The following NLGN1 variants were observed in gnomAD, a reference collection of about 807,000 sequenced individuals.
The protein encoded by NLGN1 is neuroligin-1.
NLGN1 carries 12 observed loss-of-function variants against 65.5 expected under a neutral mutation model. The observed-to-expected ratio is 0.18, with a 90% CI of 0.12 to 0.30. The LOEUF is 0.30. NLGN1 is among the 10% of genes least tolerant of loss of function. The probability of loss-of-function intolerance (pLI) is 1.00; values close to 1 mark genes in which losing one functional copy is unlikely to be tolerated. For missense variants in NLGN1, 750 were observed against 1,007.1 expected (o/e 0.74, Z 3.46); for synonymous variants, 350 against 359.5 (o/e 0.97, Z 0.30).
intron 4 of NLGN1, among the ~76,000 whole-genome samples, chr3:174,195,855 C>G (rs538561946): frequency 1.3e-5 from 2 of 152,048 alleles, no homozygotes; most frequent in Non-Finnish European, 2.9e-5. Context: ...AATTTACTAA[C>G]ATAGATTGGG....
intron 2 of NLGN1, among the ~76,000 whole-genome samples, chr3:173,441,885 TA>T (rs1455423076): frequency 6.6e-6 from 1 of 152,204 alleles, no homozygotes. Context: ...GGTATGCCTG[TA>T]TTTGAAGTAT....
chr3:173,690,336 T>C (rs1023383716), intron 3 of NLGN1, among the ~76,000 whole-genome samples: 1 of 152,160 alleles, frequency 6.6e-6, no homozygotes, highest in Non-Finnish European at 1.5e-5. Flanking sequence ...AGGATGCCAT[T>C]TACTCTCACT....
chr3:173,942,162 G>A (rs1229986495), intron 4 of NLGN1, among the ~76,000 whole-genome samples: 1 of 150,080 alleles, frequency 6.7e-6, no homozygotes, highest in Admixed American at 6.7e-5. Flanking sequence ...GTGTGTATGT[G>A]TATATATAAT....
intron 2 of NLGN1, among the ~76,000 whole-genome samples, chr3:173,552,227 G>A (rs1417585110): frequency 1.3e-5 from 2 of 152,178 alleles, no homozygotes; most frequent in African/African-American, 4.8e-5. Context: ...GCTGACCACT[G>A]GGGAGGAGAG....
intron 4 of NLGN1, among the ~76,000 whole-genome samples, chr3:173,921,839 T>C (rs1028937706): frequency 4.6e-5 from 7 of 152,156 alleles, no homozygotes; most frequent in South Asian, 2.1e-4. Context: ...TTGTAGTAGT[T>C]GGGGCTATTT....
At chr3:173,481,948 A>G (rs1244943346) in intron 2 of NLGN1, among the ~76,000 whole-genome samples, 1 of 151,910 alleles carries the variant, frequency 6.6e-6, no homozygotes, top group African/African-American at 2.4e-5. Context: ...AAAATGACAC[A>G]TTTTATGTTT....
At chr3:174,046,628 T>A (rs1285380790) in intron 4 of NLGN1, among the ~76,000 whole-genome samples, 1 of 152,136 alleles carries the variant, frequency 6.6e-6, no homozygotes, top group Non-Finnish European at 1.5e-5. Context: ...TCATGCAAGT[T>A]TGTGACTGTT....
intron 4 of NLGN1, among the ~76,000 whole-genome samples, chr3:173,996,771 T>C (rs553283072): frequency 1.3e-5 from 2 of 152,272 alleles, no homozygotes; most frequent in African/African-American, 4.8e-5. Flanking sequence ...CAAGGGGAAA[T>C]TATAAAGAAG....
chr3:173,515,360 G>A (rs1260281569), intron 2 of NLGN1, among the ~76,000 whole-genome samples: 2 of 151,902 alleles, frequency 1.3e-5, no homozygotes, highest in Non-Finnish European at 2.9e-5. Context: ...TTTTATTATT[G>A]AGTCCCTTAT....
chr3:173,419,696 C>T (rs916160916), intron 1 of NLGN1, among the ~76,000 whole-genome samples: 8 of 151,936 alleles, frequency 5.3e-5, no homozygotes, highest in African/African-American at 2.4e-5. Context: ...CCTGGTTGGG[C>T]GTGGTGGCTC....
At position 173,849,153 on chromosome 3, in the gene NLGN1, A is replaced by G. The variant is rs938880551; in HGVS notation, c.646+41321A>G. ...CTACCATATAATGAAAAAAGAAAAA[A>G]ATTCTTTTGCGTAGGGGGTAGTGTT... On this transcript the variant is annotated intron_variant, in intron 4 of 6. Coordinates refer to ENST00000457714, the Ensembl canonical transcript of NLGN1. Among the ~76,000 whole-genome samples, 129 of 152,260 alleles carry G rather than the reference A, an allele frequency of 8.5e-4. 1 individual carries two copies. Among genetic ancestry groups the G allele is most frequent in the African/African-American group, 3.0e-3 (124 of 41,572 alleles).
intron 3 of NLGN1, among the ~76,000 whole-genome samples, chr3:173,672,241 A>G (rs1305298692): frequency 2.0e-5 from 3 of 152,220 alleles, no homozygotes. Context: ...GTGAAGCTAT[A>G]CTTCTCTTCA....
intron 3 of NLGN1, among the ~76,000 whole-genome samples, chr3:173,653,459 A>G (rs997739740): frequency 3.9e-5 from 6 of 152,132 alleles, no homozygotes; most frequent in African/African-American, 1.4e-4. Flanking sequence ...GGAATGCTGA[A>G]TTCTATTAAA....
chr3:173,681,639 C>T (rs1428631998), intron 3 of NLGN1, among the ~76,000 whole-genome samples: 1 of 151,992 alleles, frequency 6.6e-6, no homozygotes, highest in African/African-American at 2.4e-5. Flanking sequence ...TATTTTTGGC[C>T]CTGATTAAGC....
chr3:173,478,603 T>C (rs532150392), intron 2 of NLGN1, among the ~76,000 whole-genome samples: 1 of 152,230 alleles, frequency 6.6e-6, no homozygotes, highest in South Asian at 2.1e-4. Context: ...GTATTGGAAA[T>C]AGGCCAAGTG....
chr3:174,233,116 A>G (rs1222562556), intron 4 of NLGN1, among the ~76,000 whole-genome samples: 2 of 152,190 alleles, frequency 1.3e-5, no homozygotes, highest in Non-Finnish European at 2.9e-5. Context: ...CAAGACAGGA[A>G]GATCTTTGCA....
intron 2 of NLGN1, among the ~76,000 whole-genome samples, chr3:173,567,808 G>A (rs952218188): frequency 4.6e-5 from 7 of 151,818 alleles, no homozygotes; most frequent in Non-Finnish European, 1.0e-4. Flanking sequence ...TTAAAGTATT[G>A]GACTTGATTT....
chr3:173,446,477 T>C (rs533054053), intron 2 of NLGN1, among the ~76,000 whole-genome samples: 1 of 152,330 alleles, frequency 6.6e-6, no homozygotes, highest in African/African-American at 2.4e-5. Context: ...GTTGGGCATT[T>C]GGGTTGGTTC....
intron 4 of NLGN1, among the ~76,000 whole-genome samples, chr3:173,988,553 G>A (rs969160915): frequency 2.6e-5 from 4 of 152,154 alleles, no homozygotes; most frequent in African/African-American, 9.7e-5. Flanking sequence ...AGGGTGGCAA[G>A]GCCCTACCTT....
Sources: gnomAD v4.1 joint callset for allele counts (sites outside exome capture counted in the v4.1 genomes callset) on GRCh38, gnomAD v4.1.1 for gene constraint, MANE v1.5 for transcripts, NCBI Gene and HGNC (gene_info 2026-07-23, HGNC 2026-07-21) for gene names.